Variants in CSNK2A2IP observed in about 807,000 individuals in gnomAD.
CSNK2A2IP encodes casein kinase 2 subunit alpha' interacting protein.
chr3:88,422,671 A>G, the CSNK2A2IP span, among the ~76,000 whole-genome samples: 4 of 152,198 alleles, frequency 2.6e-5, no homozygotes, highest in Admixed American at 2.6e-4. Flanking sequence ...AAATTTCTCA[A>G]ATAAATAGGT....
At chr3:88,464,319 TA>T in the CSNK2A2IP span, among the ~76,000 whole-genome samples, 1 of 29,216 alleles carries the variant, frequency 3.4e-5, no homozygotes, top group Non-Finnish European at 2.5e-4. Context: ...ATAATAATAA[TA>T]AATAAATAAA....
At chr3:88,427,939 C>T in the CSNK2A2IP span, among the ~76,000 whole-genome samples, 1 of 152,110 alleles carries the variant, frequency 6.6e-6, no homozygotes, top group East Asian at 1.9e-4. Context: ...ATCCCCCAGA[C>T]CCCAGAATGG....
the CSNK2A2IP span, chr3:88,465,771 A>C: frequency 8.1e-7 from 1 of 1,231,638 alleles, no homozygotes; most frequent in Non-Finnish European, 1.0e-6. Context: ...TCAACATGAC[A>C]TCATCACTGG....
chr3:88,373,637 G>A, the CSNK2A2IP span, among the ~76,000 whole-genome samples: 1 of 147,810 alleles, frequency 6.8e-6, no homozygotes. Flanking sequence ...GAAGTTAAGA[G>A]CAGAAATTAC....
At chr3:88,422,677 T>C in the CSNK2A2IP span, among the ~76,000 whole-genome samples, 3 of 152,214 alleles carry the variant, frequency 2.0e-5, no homozygotes, top group Admixed American at 2.0e-4. Flanking sequence ...CTCAAATAAA[T>C]AGGTTTCTTT....
the CSNK2A2IP span, among the ~76,000 whole-genome samples, chr3:88,418,422 AG>A: frequency 6.7e-6 from 1 of 149,236 alleles, no homozygotes; most frequent in Non-Finnish European, 1.5e-5. Context: ...AAATGTCTAC[AG>A]GGAACTGAAT....
the CSNK2A2IP span, among the ~76,000 whole-genome samples, chr3:88,339,267 AT>A: frequency 4.7e-5 from 7 of 149,450 alleles, no homozygotes; most frequent in South Asian, 2.1e-4. Context: ...TCATGAGTTC[AT>A]TTTTTTTTTA....
At chr3:88,365,332 G>C in the CSNK2A2IP span, among the ~76,000 whole-genome samples, 7 of 152,120 alleles carry the variant, frequency 4.6e-5, no homozygotes, top group Non-Finnish European at 8.8e-5. Context: ...CAGGATTTTT[G>C]ATCATTCATA....
chr3:88,363,838 A>C, the CSNK2A2IP span, among the ~76,000 whole-genome samples: 2 of 152,122 alleles, frequency 1.3e-5, no homozygotes, highest in Non-Finnish European at 2.9e-5. Flanking sequence ...GTATATAATA[A>C]ATGTTCTGAG....
chr3:88,459,092 CTATT>C, the CSNK2A2IP span, among the ~76,000 whole-genome samples: 3 of 152,010 alleles, frequency 2.0e-5, no homozygotes, highest in Non-Finnish European at 4.4e-5. Context: ...GATAAGTTTT[CTATT>C]TATTAGGAAT....
At chr3:88,452,267 T>C in the CSNK2A2IP span, among the ~76,000 whole-genome samples, 1 of 152,112 alleles carries the variant, frequency 6.6e-6, no homozygotes, top group African/African-American at 2.4e-5. Context: ...AAGGTTCCTA[T>C]TTTAAAGTTA....
the CSNK2A2IP span, among the ~76,000 whole-genome samples, chr3:88,389,034 G>A: frequency 6.6e-6 from 1 of 151,816 alleles, no homozygotes; most frequent in Non-Finnish European, 1.5e-5. Flanking sequence ...CCACCCAAAA[G>A]CCGTGCCCTC....
the CSNK2A2IP span, among the ~76,000 whole-genome samples, chr3:88,377,292 C>T: frequency 6.6e-6 from 1 of 151,738 alleles, no homozygotes; most frequent in Admixed American, 6.6e-5. Flanking sequence ...ATACTGGTGC[C>T]CCTTTACCTA....
the CSNK2A2IP span, chr3:88,465,057 T>G: frequency 1.3e-5 from 3 of 234,536 alleles, no homozygotes; most frequent in African/African-American, 2.2e-5. Flanking sequence ...TCAGGACCTC[T>G]TCTGACCTCT....
chr3:88,393,060 T>C, the CSNK2A2IP span, among the ~76,000 whole-genome samples: 1 of 152,076 alleles, frequency 6.6e-6, no homozygotes, highest in Admixed American at 6.6e-5. Context: ...GGAGGAAGAA[T>C]GGGTATAGCT....
chr3:88,393,795 A>G, the CSNK2A2IP span, among the ~76,000 whole-genome samples: 1 of 152,220 alleles, frequency 6.6e-6, no homozygotes, highest in African/African-American at 2.4e-5. Flanking sequence ...TAAAGCTGAT[A>G]GTGCAGTTTG....
chr3:88,449,852 C>CAT, the CSNK2A2IP span, among the ~76,000 whole-genome samples: 1 of 85,804 alleles, frequency 1.2e-5, no homozygotes. Flanking sequence ...CACACACACA[C>CAT]ACATATATAT....
the CSNK2A2IP span, among the ~76,000 whole-genome samples, chr3:88,431,815 C>T: frequency 1.3e-4 from 20 of 151,984 alleles, no homozygotes; most frequent in Admixed American, 7.2e-4. Flanking sequence ...CAAAGTGAAG[C>T]AAGTAAAAAT....
the CSNK2A2IP span, among the ~76,000 whole-genome samples, chr3:88,352,927 G>A: frequency 2.6e-5 from 4 of 152,086 alleles, no homozygotes; most frequent in African/African-American, 7.2e-5. Context: ...CAGAAATTGA[G>A]AGACACATGC....
Sources: allele counts gnomAD v4.1 joint callset (sites outside exome capture counted in the v4.1 genomes callset), GRCh38; gene constraint gnomAD v4.1.1; transcripts MANE v1.5; gene names NCBI Gene and HGNC (gene_info 2026-07-23, HGNC 2026-07-21).